Variants in TNS1 observed in about 807,000 individuals in gnomAD.
The protein encoded by TNS1 is tensin-1.
Under a neutral mutation model 168.6 loss-of-function variants are expected in TNS1, and 62 were observed. That is an observed-to-expected ratio of 0.37 (90% CI 0.30 to 0.45). The LOEUF is 0.45. Among genes scored for constraint, TNS1 ranks in the 20% least tolerant of loss-of-function variants. The pLI is 1.00. For missense variants in TNS1, 2,240 were observed against 2,339.4 expected (o/e 0.96, Z 0.88); for synonymous variants, 934 against 933.2 (o/e 1.00, Z -0.02).
intron 12 of TNS1, among the ~76,000 whole-genome samples, chr2:217,889,720 T>G (rs1376258831): frequency 1.3e-5 from 2 of 152,260 alleles, no homozygotes; most frequent in African/African-American, 4.8e-5. Context: ...CACTAGAAGC[T>G]GAGCTCCATA....
intron 19 of TNS1, among the ~76,000 whole-genome samples, chr2:217,841,680 C>T (rs1467591954): frequency 3.3e-5 from 5 of 152,220 alleles, no homozygotes. Flanking sequence ...GCATCCCTCA[C>T]CTGCTCCCAT....
chr2:217,965,441 G>A (rs578253526), intron 3 of TNS1, among the ~76,000 whole-genome samples: 13 of 152,236 alleles, frequency 8.5e-5, no homozygotes, highest in South Asian at 4.2e-4. Context: ...CTCCTAAGCC[G>A]GAGGCCACAG....
chr2:217,906,880 G>A (rs762472915), intron 5 of TNS1, among the ~76,000 whole-genome samples: 2 of 152,202 alleles, frequency 1.3e-5, no homozygotes, highest in Non-Finnish European at 2.9e-5. Context: ...TGTTTGGAAA[G>A]ATCCGCCTGA....
chr2:217,873,836 C>A (rs1174476388), intron 18 of TNS1, among the ~76,000 whole-genome samples: 1 of 152,214 alleles, frequency 6.6e-6, no homozygotes, highest in African/African-American at 2.4e-5. Flanking sequence ...TGGCAAAGAA[C>A]CCAAGAGATA....
rs765565136 is a variant in TNS1, at chr2:217,847,525, C to T, written c.2992G>A (p.Ala998Thr). The change falls in exon 19 of 33, where the codon GCC becomes ACC. Residue 998 changes from alanine (A) to threonine (T), a missense_variant. Around this residue, in one of 2 missense-constraint regions of TNS1, gnomAD observed 2,131 missense variants for 2,171.2 expected, o/e 0.98. Coordinates refer to ENST00000682258, the MANE Select transcript of TNS1 (RefSeq NM_001387777.1). ...TACCTCTTACCTGCTACCCTGTGGG[C>T]CACCAGCCCTTCTAAATTCAATGGC... ...EEPLNLEGLV[A>T]HRVAGVQARE... The T allele has an allele frequency of 1.4e-5, 21 of 1,468,202 alleles. No individual in the cohort carries two copies. In the African/African-American group the frequency reaches 2.8e-4, roughly 20 times the overall value. The allele number at this position is 1,468,202 out of a possible 1,614,324, so 90.9% of individuals were successfully genotyped here.
intron 22 of TNS1, among the ~76,000 whole-genome samples, chr2:217,828,996 CTGAG>C (rs925869790): frequency 6.6e-6 from 1 of 152,170 alleles, no homozygotes; most frequent in African/African-American, 2.4e-5. Flanking sequence ...ATTGTCATGA[CTGAG>C]TGAGAGCTAC....
At chr2:217,936,843 G>A (rs1168774558) in intron 3 of TNS1, 2 of 435,330 alleles carry the variant, frequency 4.6e-6, no homozygotes, top group African/African-American at 2.0e-5. Flanking sequence ...TTTACAAATA[G>A]CATCTCATTT....
Position 217,809,994 on chromosome 2 carries a change from G to A in TNS1, c.5105-3C>T. 1.2e-6 allele frequency: 2 copies of A among 1,609,724 alleles called. No homozygotes were observed. The highest frequency in any genetic ancestry group is 1.7e-6 in the Non-Finnish European group (2 of 1,176,646). ...GTTGACGAAGAGCACATTGCAGGCT[G>A]GAAGAAACCAACCCAAGGGGGAGTC... On this transcript the variant is annotated splice_polypyrimidine_tract_variant and splice_region_variant and intron_variant, in intron 29 of 32. Coordinates refer to ENST00000682258, the MANE Select transcript of TNS1 (RefSeq NM_001387777.1).
intron 22 of TNS1, among the ~76,000 whole-genome samples, chr2:217,823,703 C>T (rs1192607215): frequency 6.6e-6 from 1 of 152,212 alleles, no homozygotes; most frequent in African/African-American, 2.4e-5. Context: ...CCATACAGAA[C>T]CCCCTCCACC....
intron 8 of TNS1, 96 bp downstream of exon 8, chr2:217,897,700 GCA>G: frequency 1.5e-6 from 2 of 1,315,368 alleles, no homozygotes; most frequent in Non-Finnish European, 2.1e-6. Flanking sequence ...GGGCATGCTG[GCA>G]CAGGGGCTGG....
At chr2:217,869,261 G>T (rs189903891) in intron 18 of TNS1, among the ~76,000 whole-genome samples, 69 of 152,310 alleles carry the variant, frequency 4.5e-4, no homozygotes, top group African/African-American at 1.3e-3. Flanking sequence ...CCGCCTCTCC[G>T]AGGCTGATGG....
chr2:218,002,957 C>G lies in TNS1; in HGVS notation c.-85G>C. Reference sequence around the variant, plus strand: ...AGTCCCCGCGGCGCTGGCAGAAGGGCTCTCTGAGTCCGCGGCTGCTCCGGC... The same window carrying G: ...AGTCCCCGCGGCGCTGGCAGAAGGGGTCTCTGAGTCCGCGGCTGCTCCGGC... On this transcript the variant is annotated 5_prime_UTR_variant, in exon 1 of 33. Coordinates refer to ENST00000682258, the MANE Select transcript of TNS1 (RefSeq NM_001387777.1). The G allele has an allele frequency of 2.2e-6, 1 of 455,752 alleles. No individual in the cohort carries two copies. The highest frequency in any genetic ancestry group is 7.0e-5 in the East Asian group (1 of 14,348). The allele number at this position is 455,752 out of a possible 1,614,324, so 28.2% of individuals were successfully genotyped here. A position where few individuals can be genotyped will look rare whatever the true frequency, so the allele number is the denominator to read the frequency against.
intron 18 of TNS1, among the ~76,000 whole-genome samples, chr2:217,865,080 A>T (rs1949146930): frequency 6.6e-6 from 1 of 151,974 alleles, no homozygotes; most frequent in Admixed American, 6.6e-5. Context: ...GGTTCCATGC[A>T]TGAGAGGTGG....
intron 19 of TNS1, among the ~76,000 whole-genome samples, chr2:217,846,674 A>G (rs569056239): frequency 1.3e-5 from 2 of 152,342 alleles, no homozygotes; most frequent in South Asian, 4.1e-4. Flanking sequence ...GGCTTAGACC[A>G]GTGGGAAGGG....
chr2:217,964,246 G>A (rs1324803261), intron 3 of TNS1, among the ~76,000 whole-genome samples: 2 of 152,168 alleles, frequency 1.3e-5, no homozygotes, highest in African/African-American at 4.8e-5. Context: ...CACTTTGTAG[G>A]CATTAATGCA....
intron 18 of TNS1, chr2:217,858,595 A>G (rs1948442435): frequency 1.0e-6 from 1 of 985,460 alleles, no homozygotes; most frequent in Non-Finnish European, 1.2e-6. Flanking sequence ...TGCAGCTCCA[A>G]GTGCTGTCTG....
intron 4 of TNS1, among the ~76,000 whole-genome samples, chr2:217,909,291 G>A (rs550440147): frequency 6.6e-6 from 1 of 152,218 alleles, no homozygotes; most frequent in South Asian, 2.1e-4. Context: ...GACCACAGCG[G>A]AACTGAGATG....
intron 18 of TNS1, among the ~76,000 whole-genome samples, chr2:217,855,504 T>C (rs1279994600): frequency 6.6e-6 from 1 of 152,218 alleles, no homozygotes; most frequent in Non-Finnish European, 1.5e-5. Flanking sequence ...TCATTACTGA[T>C]GTCCATGTCT....
Position 217,874,082 on chromosome 2 carries a change from G to T in TNS1, c.1429+6816C>A, listed in dbSNP as rs955561035. On this transcript the variant is annotated intron_variant, in intron 18 of 32. Transcript: ENST00000682258. ...TAGCAGCCAGGTAGGAGCTGACAAG[G>T]GGGAGGAGCAAGTTCACCAGCACTG... Among the ~76,000 whole-genome samples, 5 of 145,486 alleles carry T rather than the reference G, an allele frequency of 3.4e-5. No homozygotes were observed. In the Admixed American group the frequency reaches 3.6e-4, roughly 10 times the overall value.
Sources: gnomAD v4.1 joint callset for allele counts (sites outside exome capture counted in the v4.1 genomes callset) on GRCh38, gnomAD v4.1.1 for gene constraint, gnomAD v4.1.1 regional missense constraint, MANE v1.5 for transcripts, NCBI Gene and HGNC (gene_info 2026-07-23, HGNC 2026-07-21) for gene names.